Variants in HDGFL3 observed in about 807,000 individuals in gnomAD.
The protein encoded by HDGFL3 is hepatoma-derived growth factor-related protein 3.
In HDGFL3, 6 loss-of-function variants were observed where a neutral mutation model predicts 27.6. That is an observed-to-expected ratio of 0.22 (90% CI 0.12 to 0.43). The LOEUF (loss-of-function observed/expected upper bound fraction) is 0.43, where lower values mean the gene tolerates loss of function less well. Ranked by LOEUF, HDGFL3 falls within the 20% of genes least tolerant of loss-of-function variation. HDGFL3 has a pLI of 1.00. For missense variants in HDGFL3, 207 were observed against 250.1 expected (o/e 0.83, Z 1.16); for synonymous variants, 88 against 88.9 (o/e 0.99, Z 0.05).
chr15:83,202,237 G>A (rs1456481153), intron 1 of HDGFL3, among the ~76,000 whole-genome samples: 1 of 152,114 alleles, frequency 6.6e-6, no homozygotes, highest in Non-Finnish European at 1.5e-5. Flanking sequence ...ATACCCCTGT[G>A]CCTTACATAC....
At chr15:83,144,852 T>A (rs573084735) in intron 5 of HDGFL3, 69 of 294,194 alleles carry the variant, frequency 2.3e-4, no homozygotes, top group African/African-American at 1.5e-3. Context: ...CTGCTTTAAG[T>A]CACTAGTTTT....
At position 83,136,817 on chromosome 15, in the gene HDGFL3, G is replaced by A; in HGVS notation, c.*2453C>T. 2 of 546,896 alleles carry A rather than the reference G, an allele frequency of 3.7e-6. No individual in the cohort carries two copies. Among genetic ancestry groups the A allele is most frequent in the Non-Finnish European group, 5.8e-6 (2 of 344,212 alleles). The allele number at this position is 546,896 out of a possible 1,614,324, so 33.9% of individuals were successfully genotyped here. ...TCTGCACTGTATGTGTGAGCTATAT[G>A]GTATTGTGTAAATTTTTTTTGAAGG... On this transcript the variant is annotated 3_prime_UTR_variant, in exon 6 of 6. Transcript: ENST00000299633.
In HDGFL3 at chr15:83,207,122, A is replaced by G. The variant is rs2037728409; in HGVS notation, c.84+209T>C. 6.6e-6 allele frequency among the ~76,000 whole-genome samples: 1 copy of G among 152,140 alleles called. No individual in the cohort carries two copies. Among genetic ancestry groups the G allele is most frequent in the African/African-American group, 2.4e-5 (1 of 41,464 alleles). Reference sequence around the variant, plus strand: ...CCCGCCTTCGAAAGTGGGCGGAAGGATGGCCGCCCTGGCGGAGTGCGGGCG... The same window carrying G: ...CCCGCCTTCGAAAGTGGGCGGAAGGGTGGCCGCCCTGGCGGAGTGCGGGCG... On this transcript the variant is annotated intron_variant, in intron 1 of 5. Transcript: ENST00000299633. This position sits in a 1 kb window ranked among gnomAD's most constrained non-coding sequence, Gnocchi z 4.8.
chr15:83,156,498 A>G (rs1464750358), intron 4 of HDGFL3, among the ~76,000 whole-genome samples: 1 of 152,222 alleles, frequency 6.6e-6, no homozygotes, highest in Non-Finnish European at 1.5e-5. Flanking sequence ...AAAGAACTGA[A>G]TAAATAAACA....
At chr15:83,178,447 TAAAC>T (rs1433148587) in intron 1 of HDGFL3, among the ~76,000 whole-genome samples, 2 of 152,172 alleles carry the variant, frequency 1.3e-5, no homozygotes, top group Non-Finnish European at 2.9e-5. Flanking sequence ...TGTTTTTAAA[TAAAC>T]AAAAGTTCCT....
chr15:83,201,301 C>A (rs571194793), intron 1 of HDGFL3, among the ~76,000 whole-genome samples: 1 of 152,164 alleles, frequency 6.6e-6, no homozygotes, highest in East Asian at 1.9e-4. Flanking sequence ...ATTCACAAAG[C>A]TACTCCATCA....
chr15:83,204,533 G>A (rs2037693990), intron 1 of HDGFL3, among the ~76,000 whole-genome samples: 1 of 152,138 alleles, frequency 6.6e-6, no homozygotes, highest in Non-Finnish European at 1.5e-5. Context: ...TAGAATCTAG[G>A]TGTAGATAAA....
At chr15:83,165,357 T>G (rs2037156409) in intron 1 of HDGFL3, among the ~76,000 whole-genome samples, 1 of 152,180 alleles carries the variant, frequency 6.6e-6, no homozygotes, top group African/African-American at 2.4e-5. Context: ...CTACAGACAC[T>G]CAGCATACAG....
At chr15:83,165,352 G>T (rs989744727) in intron 1 of HDGFL3, among the ~76,000 whole-genome samples, 1 of 152,170 alleles carries the variant, frequency 6.6e-6, no homozygotes, top group African/African-American at 2.4e-5. Context: ...TATAACTACA[G>T]ACACTCAGCA....
intron 1 of HDGFL3, among the ~76,000 whole-genome samples, chr15:83,195,932 C>T (rs1039249275): frequency 1.3e-5 from 2 of 151,848 alleles, no homozygotes; most frequent in Non-Finnish European, 2.9e-5. Flanking sequence ...TAATATCCAA[C>T]GAAGTACTAT....
intron 1 of HDGFL3, among the ~76,000 whole-genome samples, chr15:83,171,271 A>G (rs2037243637): frequency 6.6e-6 from 1 of 151,040 alleles, no homozygotes. Flanking sequence ...TGTGGAAAAA[A>G]CAATGTTCAC....
intron 1 of HDGFL3, among the ~76,000 whole-genome samples, chr15:83,166,793 G>A (rs1485132226): frequency 2.0e-5 from 3 of 152,158 alleles, no homozygotes; most frequent in South Asian, 4.1e-4. Flanking sequence ...AGAGAGAAAA[G>A]GGGGAAGGTG....
rs532737230 is a variant in HDGFL3, at chr15:83,133,987, T to G, written c.*5283A>C. ...AGTTCTTCTCTCACATACAAATGCC[T>G]CTTTTGATTATGAATGTTAAAATTT... On this transcript the variant is annotated 3_prime_UTR_variant, in exon 6 of 6. Transcript: ENST00000299633. 1 of 152,340 alleles carries G rather than the reference T, an allele frequency of 6.6e-6. No homozygotes were observed. Among genetic ancestry groups the G allele is most frequent in the African/African-American group, 2.4e-5 (1 of 41,586 alleles). 9.4% of individuals were successfully genotyped at this position (152,340 alleles called of 1,614,324 possible).
At chr15:83,197,801 C>G (rs1335435752) in intron 1 of HDGFL3, among the ~76,000 whole-genome samples, 1 of 152,044 alleles carries the variant, frequency 6.6e-6, no homozygotes, top group Non-Finnish European at 1.5e-5. Context: ...CACGGTGGCT[C>G]ACGCCTGTAA....
At chr15:83,176,573 G>A (rs1456254827) in intron 1 of HDGFL3, among the ~76,000 whole-genome samples, 1 of 152,034 alleles carries the variant, frequency 6.6e-6, no homozygotes, top group Non-Finnish European at 1.5e-5. Context: ...TATTATCAGA[G>A]TTTCATCCCT....
At chr15:83,197,296 T>C (rs546452009) in intron 1 of HDGFL3, among the ~76,000 whole-genome samples, 4 of 152,184 alleles carry the variant, frequency 2.6e-5, no homozygotes, top group Non-Finnish European at 5.9e-5. Flanking sequence ...AATAGTATAG[T>C]GGGTCTGTTT....
Position 83,147,941 on chromosome 15 carries a change from T to C in HDGFL3, c.606+3274A>G, listed in dbSNP as rs536390508. Among the ~76,000 whole-genome samples the C allele has an allele frequency of 6.6e-4, 100 of 152,082 alleles. 1 individual carries two copies. The highest frequency in any genetic ancestry group is 2.3e-3 in the African/African-American group (94 of 41,484). On this transcript the variant is annotated intron_variant, in intron 5 of 5. Coordinates refer to ENST00000299633, the MANE Select transcript of HDGFL3 (RefSeq NM_016073.4). ...AGAAGTCCTACAAATCAGTAAGAAA[T>C]GAAATCCAATAAGAAAATGGGCAAA...
chr15:83,201,458 A>T (rs28623260), intron 1 of HDGFL3, among the ~76,000 whole-genome samples: 57,922 of 151,944 alleles, frequency 0.38, 13,083 homozygotes, highest in African/African-American at 0.64. Flanking sequence ...ATCAAGTGGG[A>T]TGGATTCTGA....
chr15:83,165,144 A>G (rs1336768304), intron 1 of HDGFL3, among the ~76,000 whole-genome samples: 1 of 152,172 alleles, frequency 6.6e-6, no homozygotes, highest in Non-Finnish European at 1.5e-5. Flanking sequence ...CTCAAACATG[A>G]CAACTCCCAG....
Sources: allele counts gnomAD v4.1 joint callset (sites outside exome capture counted in the v4.1 genomes callset), GRCh38; gene constraint gnomAD v4.1.1; non-coding constraint Gnocchi (gnomAD v3.1); transcripts MANE v1.5; gene names NCBI Gene and HGNC (gene_info 2026-07-23, HGNC 2026-07-21).